VWA8: variants seen among roughly 807,000 people sequenced by gnomAD.
VWA8 encodes the protein von Willebrand factor A domain-containing protein 8.
Under a neutral mutation model 241.5 loss-of-function variants are expected in VWA8, and 221 were observed. That is an observed-to-expected ratio of 0.91 (90% confidence interval 0.82 to 1.02). The LOEUF is 1.02. Ranked by LOEUF, VWA8 falls within the 50% of genes least tolerant of loss-of-function variation. The pLI is 0.00. For synonymous variants in VWA8, 852 were observed against 827.1 expected (o/e 1.03, Z -0.52); for missense variants, 2,322 against 2,328.7 (o/e 1.00, Z 0.06).
chr13:41,825,706 G>A (rs1871146115), intron 14 of VWA8, among the ~76,000 whole-genome samples: 1 of 152,022 alleles, frequency 6.6e-6, no homozygotes, highest in African/African-American at 2.4e-5. Flanking sequence ...TAAAATAAAA[G>A]CTGAGTTTCT....
In VWA8 at chr13:41,710,067, C is replaced by T. The variant is rs575084932; in HGVS notation, c.3117-6656G>A. Among the ~76,000 whole-genome samples, 6 of 152,190 alleles carry T rather than the reference C, an allele frequency of 3.9e-5. No homozygotes were observed. The East Asian group carries it at 5.8e-4, about 15-fold the overall frequency. On this transcript the variant is annotated intron_variant, in intron 26 of 44. Transcript: ENST00000379310. ...TATATGTTGTTTACCACTAAGTAAG[C>T]GTCTGGTAAATGAAAGAATGCTTGG...
chr13:41,721,653 T>G (rs944950555), intron 24 of VWA8, 78 bp from the exon 25 acceptor site: 2 of 1,445,660 alleles, frequency 1.4e-6, no homozygotes, highest in Non-Finnish European at 1.9e-6. Context: ...AATGGTTGTT[T>G]AAAGAGCCAC....
intron 39 of VWA8, among the ~76,000 whole-genome samples, chr13:41,609,365 TTAA>T (rs1268258973): frequency 4.6e-5 from 7 of 152,344 alleles, no homozygotes; most frequent in South Asian, 4.1e-4. Flanking sequence ...TTTTAAAGAC[TTAA>T]TAATAGTATT....
chr13:41,890,772 G>A (rs1874798620), intron 5 of VWA8, among the ~76,000 whole-genome samples: 1 of 152,144 alleles, frequency 6.6e-6, no homozygotes, highest in Admixed American at 6.5e-5. Context: ...ACTCTGAGTG[G>A]AACAAGAAGC....
chr13:41,669,260 C>T (rs921320648), intron 37 of VWA8, among the ~76,000 whole-genome samples: 1 of 152,166 alleles, frequency 6.6e-6, no homozygotes, highest in Non-Finnish European at 1.5e-5. Context: ...GATGTTAGAT[C>T]CATAATTCTG....
At chr13:41,800,846 C>G (rs1253414938) in intron 17 of VWA8, among the ~76,000 whole-genome samples, 1 of 150,898 alleles carries the variant, frequency 6.6e-6, no homozygotes, top group East Asian at 1.9e-4. Context: ...AAATTTCCCA[C>G]TCCAAATAGC....
intron 26 of VWA8, 169 bp downstream of exon 26, chr13:41,719,422 A>G: frequency 6.9e-7 from 1 of 1,448,478 alleles, no homozygotes; most frequent in Admixed American, 3.0e-5. Flanking sequence ...ACAGGCCTAT[A>G]AATAATGCTA....
At chr13:41,618,522 C>T (rs577626445) in intron 37 of VWA8, among the ~76,000 whole-genome samples, 90 of 151,890 alleles carry the variant, frequency 5.9e-4, no homozygotes, top group African/African-American at 1.5e-3. Context: ...CCATTGCTTT[C>T]GGTGTTTTCG....
chr13:41,703,777 ATTT>A (rs755091767), intron 26 of VWA8, among the ~76,000 whole-genome samples: 3 of 134,050 alleles, frequency 2.2e-5, no homozygotes, highest in Non-Finnish European at 1.6e-5. Context: ...TTTTCAGTCT[ATTT>A]TTTTTTTTTT....
rs145765181 is a variant in VWA8 at position 41,918,923 on chromosome 13, A to G, written c.242-6755T>C. On this transcript the variant is annotated intron_variant, in intron 2 of 44. Coordinates refer to ENST00000379310, the MANE Select transcript of VWA8 (RefSeq NM_015058.2). The stretch of plus-strand genomic sequence containing the variant: ...TAAATTAAATTAGAAATTAGTAATA[A>G]AAAGATCTTTGGAAAATCTCCAAAT... Among the ~76,000 whole-genome samples, 5 of 152,294 alleles carry G rather than the reference A, an allele frequency of 3.3e-5. No homozygotes were observed. In the East Asian group the frequency reaches 9.6e-4, roughly 29 times the overall value.
chr13:41,926,128 G>C, intron 2 of VWA8: 1 of 577,674 alleles, frequency 1.7e-6, no homozygotes, highest in Non-Finnish European at 3.2e-6. Context: ...CTGCATCAAG[G>C]AGACATAATT....
At position 41,609,063 on chromosome 13, in the gene VWA8, T is replaced by G. The variant is rs150663592; in HGVS notation, c.4877+2513A>C. 2.0e-5 allele frequency among the ~76,000 whole-genome samples: 3 copies of G among 152,342 alleles called. No homozygotes were observed. In the East Asian group the frequency reaches 5.8e-4, roughly 29 times the overall value. On this transcript the variant is annotated intron_variant, in intron 39 of 44. Transcript: ENST00000379310. ...CTTGTATGCACGTGTGTGTCATTCA[T>G]TCCACAAATACATATGAAGGTTTGC...
chr13:41,911,911 C>G, intron 3 of VWA8, 127 bp downstream of exon 3: 7 of 1,128,260 alleles, frequency 6.2e-6, no homozygotes, highest in Non-Finnish European at 8.0e-6. Flanking sequence ...AACAAATCAC[C>G]CTTTGATGTC....
intron 9 of VWA8, among the ~76,000 whole-genome samples, chr13:41,881,068 C>T (rs532188565): frequency 2.6e-5 from 4 of 152,166 alleles, no homozygotes; most frequent in African/African-American, 7.2e-5. Context: ...ATTTTTTGTT[C>T]ATTTCTATCA....
Position 41,919,919 on chromosome 13 carries a change from G to A in VWA8, c.242-7751C>T, listed in dbSNP as rs1323162175. On this transcript the variant is annotated intron_variant, in intron 2 of 44. Coordinates refer to ENST00000379310, the MANE Select transcript of VWA8 (RefSeq NM_015058.2). ...TTACTTCCAGGGAATCACAGCCTTG[G>A]ATGAGCTGTGCCTCTGCCCTACAGG... Among the ~76,000 whole-genome samples the A allele has an allele frequency of 2.0e-5, 3 of 152,116 alleles. No individual in the cohort carries two copies. In the South Asian group the frequency reaches 6.2e-4, roughly 32 times the overall value.
At chr13:41,947,458 G>A (rs1005053830) in intron 2 of VWA8, among the ~76,000 whole-genome samples, 3 of 152,122 alleles carry the variant, frequency 2.0e-5, no homozygotes, top group Admixed American at 6.5e-5. Flanking sequence ...ATGATTTTGG[G>A]CAAATAATGA....
chr13:41,832,946 CA>C (rs34224397), intron 13 of VWA8, among the ~76,000 whole-genome samples: 13 of 147,474 alleles, frequency 8.8e-5, no homozygotes, highest in Admixed American at 1.4e-4. Flanking sequence ...TTCTCTCTCT[CA>C]AAAAAAAAAG....
rs557690050 is a variant in VWA8 at position 41,871,844 on chromosome 13, T to A, written c.1081-3367A>T. On this transcript the variant is annotated intron_variant, in intron 9 of 44. Transcript: ENST00000379310. ...CCAGTAATGGGATGGCTGGGTCAAA[T>A]GGTATTTCTAGCTCTAGATCCCTGA... Among the ~76,000 whole-genome samples, 4 of 152,330 alleles carry A rather than the reference T, an allele frequency of 2.6e-5. No homozygotes were observed. The East Asian group carries it at 5.8e-4, about 22-fold the overall frequency.
intron 21 of VWA8, among the ~76,000 whole-genome samples, chr13:41,735,725 T>C (rs2045519763): frequency 6.6e-6 from 1 of 152,158 alleles, no homozygotes; most frequent in Non-Finnish European, 1.5e-5. Flanking sequence ...AATCCACTAT[T>C]GTCTGCATAA....
Sources: gnomAD v4.1 joint callset for allele counts (sites outside exome capture counted in the v4.1 genomes callset) on GRCh38, gnomAD v4.1.1 for gene constraint, MANE v1.5 for transcripts, NCBI Gene and HGNC (gene_info 2026-07-23, HGNC 2026-07-21) for gene names.